The following SHISA9 variants were observed in gnomAD, a reference collection of about 807,000 sequenced individuals.
SHISA9 encodes the protein shisa family member 9.
A neutral mutation model predicts 38.0 loss-of-function variants in SHISA9; 13 were observed. That is an observed-to-expected ratio of 0.34 (90% confidence interval 0.22 to 0.54). The LOEUF is 0.54. SHISA9 is among the 20% of genes least tolerant of loss of function. The pLI is 0.91. For synonymous variants in SHISA9, 275 were observed against 242.0 expected, an observed-to-expected ratio of 1.14 and a Z score of -1.27; for missense variants, 538 against 575.8, an observed-to-expected ratio of 0.93 and a Z score of 0.67.
chr16:13,047,327 TA>T (rs201507757), intron 2 of SHISA9, among the ~76,000 whole-genome samples: 4,137 of 143,350 alleles, frequency 0.029, 110 homozygotes, highest in East Asian at 0.12. Flanking sequence ...ATCAGACCAT[TA>T]AAAAAAAAAA....
At chr16:13,404,771 T>G in the SHISA9 span, among the ~76,000 whole-genome samples, 1 of 152,232 alleles carries the variant, frequency 6.6e-6, no homozygotes, top group Non-Finnish European at 1.5e-5. Flanking sequence ...GCCAATGATG[T>G]TAAAGCCTTT....
chr16:12,962,293 G>T (rs1372373199), intron 2 of SHISA9, among the ~76,000 whole-genome samples: 2 of 152,226 alleles, frequency 1.3e-5, no homozygotes, highest in Non-Finnish European at 2.9e-5. Context: ...AGTCAGGGTT[G>T]ACCCCAGGCC....
intron 2 of SHISA9, among the ~76,000 whole-genome samples, chr16:13,023,662 C>T (rs562158072): frequency 6.6e-6 from 1 of 152,328 alleles, no homozygotes; most frequent in South Asian, 2.1e-4. Flanking sequence ...CCTATTTCTC[C>T]ATATCCTCTC....
At chr16:13,328,506 A>G in the SHISA9 span, among the ~76,000 whole-genome samples, 1 of 148,536 alleles carries the variant, frequency 6.7e-6, no homozygotes, top group African/African-American at 2.5e-5. Context: ...TCTGCCTCCC[A>G]GGTTCAAATG....
intron 2 of SHISA9, among the ~76,000 whole-genome samples, chr16:12,943,330 T>TGA (rs375325532): frequency 9.3e-4 from 26 of 27,974 alleles, no homozygotes; most frequent in Admixed American, 2.4e-3. Flanking sequence ...TGTGTGTGTG[T>TGA]GAGAGAGAGA....
chr16:13,469,799 A>G, the SHISA9 span, among the ~76,000 whole-genome samples: 1 of 138,294 alleles, frequency 7.2e-6, no homozygotes, highest in African/African-American at 2.7e-5. Flanking sequence ...TATAGGAGGT[A>G]TCTACCTGCT....
intron 2 of SHISA9, among the ~76,000 whole-genome samples, chr16:13,059,391 T>C (rs1215656950): frequency 6.6e-6 from 1 of 152,056 alleles, no homozygotes; most frequent in Non-Finnish European, 1.5e-5. Flanking sequence ...CCTCCCAAAG[T>C]GCTGGGATTA....
At chr16:13,285,462 G>GT in the SHISA9 span, among the ~76,000 whole-genome samples, 10,618 of 95,828 alleles carry the variant, frequency 0.11, 778 homozygotes, top group South Asian at 0.19. Context: ...TTCAGGTGTA[G>GT]TTTTTTTTTT....
At chr16:13,014,847 CTCCTGTGATGT>C (rs2072722342) in intron 2 of SHISA9, among the ~76,000 whole-genome samples, 4 of 152,244 alleles carry the variant, frequency 2.6e-5, no homozygotes, top group Admixed American at 2.6e-4. Flanking sequence ...TTCAAAGACA[CTCCTGTGATGT>C]TTTCCATTGC....
At chr16:13,391,659 C>T in the SHISA9 span, among the ~76,000 whole-genome samples, 4 of 152,110 alleles carry the variant, frequency 2.6e-5, no homozygotes, top group African/African-American at 9.7e-5. Flanking sequence ...CACCCTAGAT[C>T]AATTAAAGGG....
the SHISA9 span, among the ~76,000 whole-genome samples, chr16:13,518,485 T>G: frequency 6.6e-6 from 1 of 152,146 alleles, no homozygotes; most frequent in Non-Finnish European, 1.5e-5. Context: ...TTCCTCAATC[T>G]ATCTTGCTGA....
chr16:13,243,230 G>T (rs2051447842), downstream of SHISA9, among the ~76,000 whole-genome samples: 1 of 150,476 alleles, frequency 6.6e-6, no homozygotes, highest in Non-Finnish European at 1.5e-5. Context: ...GACAGTGCGA[G>T]ACTCTGTCTC....
intron 2 of SHISA9, among the ~76,000 whole-genome samples, chr16:13,027,933 C>A (rs2102110): frequency 0.65 from 67,373 of 103,620 alleles, 20,629 homozygotes; most frequent in Middle Eastern, 0.78. Flanking sequence ...GTCTCAAAAA[C>A]AAAAAAAAAA....
intron 2 of SHISA9, among the ~76,000 whole-genome samples, chr16:13,199,101 A>T (rs937133773): frequency 6.6e-6 from 1 of 152,222 alleles, no homozygotes; most frequent in Non-Finnish European, 1.5e-5. Context: ...CGAAGTGTTT[A>T]GTATTTTCTC....
chr16:13,248,758 G>C, the SHISA9 span, among the ~76,000 whole-genome samples: 2 of 152,122 alleles, frequency 1.3e-5, no homozygotes, highest in Non-Finnish European at 1.5e-5. Flanking sequence ...TTTTGTTGGG[G>C]TCCCCAGAAA....
chr16:13,400,314 C>G, the SHISA9 span, among the ~76,000 whole-genome samples: 1 of 151,940 alleles, frequency 6.6e-6, no homozygotes, highest in Non-Finnish European at 1.5e-5. Context: ...CTTGATAGCA[C>G]CCTGCTAATT....
chr16:13,457,947 TCCTTCCTTCCTTCCTTTCTTCCTC>T, the SHISA9 span, among the ~76,000 whole-genome samples: 3 of 151,284 alleles, frequency 2.0e-5, no homozygotes, highest in South Asian at 4.2e-4. Flanking sequence ...CTTCCTTGCT[TCCTTCCTTCCTTCCTTTCTTCCTC>T]CCTTCCTTCC....
the SHISA9 span, among the ~76,000 whole-genome samples, chr16:13,500,040 G>C: frequency 6.6e-6 from 1 of 152,142 alleles, no homozygotes; most frequent in African/African-American, 2.4e-5. Context: ...GATGTGGCTT[G>C]GCTGTGTCCC....
At chr16:12,906,050 C>T (rs969937840) in intron 1 of SHISA9, among the ~76,000 whole-genome samples, 3 of 152,130 alleles carry the variant, frequency 2.0e-5, no homozygotes, top group African/African-American at 4.8e-5. Flanking sequence ...TAGCCTTTGC[C>T]GGATTGTGCC....
Sources: gnomAD v4.1 joint callset for allele counts (sites outside exome capture counted in the v4.1 genomes callset) on GRCh38, gnomAD v4.1.1 for gene constraint, MANE v1.5 for transcripts, NCBI Gene and HGNC (gene_info 2026-07-23, HGNC 2026-07-21) for gene names.